TNR: variants seen among roughly 807,000 people sequenced by gnomAD.
TNR encodes tenascin R.
A neutral mutation model predicts 150.4 loss-of-function variants in TNR; 45 were observed. That is an observed-to-expected ratio of 0.30 (90% confidence interval 0.24 to 0.38). The LOEUF (loss-of-function observed/expected upper bound fraction) is 0.38, where lower values mean the gene tolerates loss of function less well. TNR is among the 10% of genes least tolerant of loss of function. The probability of loss-of-function intolerance (pLI) is 1.00; values close to 1 mark genes in which losing one functional copy is unlikely to be tolerated. For synonymous variants in TNR, 687 were observed against 678.4 expected, an observed-to-expected ratio of 1.01 and a Z score of -0.20; for missense variants, 1,544 against 1,759.1, an observed-to-expected ratio of 0.88 and a Z score of 2.19.
chr1:175,617,407 C>T (rs112334269), intron 1 of TNR, among the ~76,000 whole-genome samples: 106 of 152,306 alleles, frequency 7.0e-4, no homozygotes, highest in African/African-American at 2.5e-3. Flanking sequence ...ACTGTCTGCA[C>T]CAGGAGGTCT....
Position 175,662,330 on chromosome 1 carries a change from G to A in TNR, c.-165+80896C>T, listed in dbSNP as rs142834008. 3.8e-4 allele frequency among the ~76,000 whole-genome samples: 58 copies of A among 152,072 alleles called. No individual in the cohort carries two copies. In the East Asian group the frequency reaches 4.5e-3, roughly 12 times the overall value. ...TCCAGTTGTCATGTCTGATCCCACC[G>A]TGAGTCCTGCCTCTTCCACAAAGCC... On this transcript the variant is annotated intron_variant, in intron 1 of 22. Transcript: ENST00000367674.
rs1648942982 is a variant in TNR, at chr1:175,319,647, C to G, written c.*3710G>C. 1 of 151,862 alleles carries G rather than the reference C, an allele frequency of 6.6e-6. No homozygotes were observed. Among genetic ancestry groups the G allele is most frequent in the Non-Finnish European group, 1.5e-5 (1 of 67,680 alleles). The allele number at this position is 151,862 out of a possible 1,614,324, so 9.4% of individuals were successfully genotyped here. ...GGATTCAAATATTTGTAGATGTTTG[C>G]TTTGCATTTCCTTGCTGCCATATGT... On this transcript the variant is annotated 3_prime_UTR_variant, in exon 23 of 23. Coordinates refer to ENST00000367674, the MANE Select transcript of TNR (RefSeq NM_003285.3).
chr1:175,663,518 G>T lies in TNR; in HGVS notation c.-165+79708C>A, dbSNP rs147600858. ...AGCAGCACGCACAGAAAACACACAA[G>T]GATTTTTGTTGACTCTAAGTTCACC... On this transcript the variant is annotated intron_variant, in intron 1 of 22. Transcript: ENST00000367674. Among the ~76,000 whole-genome samples the T allele has an allele frequency of 5.3e-3, 810 of 152,230 alleles. 7 individuals carry two copies. Among genetic ancestry groups the T allele is most frequent in the African/African-American group, 0.017 (714 of 41,524 alleles).
intron 1 of TNR, among the ~76,000 whole-genome samples, chr1:175,575,685 G>A (rs1368004897): frequency 6.6e-6 from 1 of 152,214 alleles, no homozygotes; most frequent in Non-Finnish European, 1.5e-5. Flanking sequence ...TTGAAGGCTA[G>A]ATTGAATGTA....
intron 2 of TNR, among the ~76,000 whole-genome samples, chr1:175,481,551 T>G (rs536093582): frequency 6.6e-6 from 1 of 152,178 alleles, no homozygotes; most frequent in African/African-American, 2.4e-5. Context: ...CCAATGCAGC[T>G]GAGGTGTCCA....
intron 2 of TNR, among the ~76,000 whole-genome samples, chr1:175,501,431 C>G (rs892502273): frequency 6.6e-6 from 1 of 152,184 alleles, no homozygotes; most frequent in Non-Finnish European, 1.5e-5. Context: ...CCCCAACCAC[C>G]TGAATGAGCT....
chr1:175,570,326 G>A (rs1384899528), intron 1 of TNR, among the ~76,000 whole-genome samples: 1 of 152,174 alleles, frequency 6.6e-6, no homozygotes, highest in Non-Finnish European at 1.5e-5. Context: ...TGATTAAAAT[G>A]GTAATTGAGG....
At chr1:175,701,494 G>A (rs1323124) in intron 1 of TNR, among the ~76,000 whole-genome samples, 30,044 of 152,214 alleles carry the variant, frequency 0.2, 4,703 homozygotes, top group African/African-American at 0.43. Flanking sequence ...GCTGACTGGC[G>A]TGGTCCACAC....
At chr1:175,567,956 A>G (rs1055300052) in intron 1 of TNR, among the ~76,000 whole-genome samples, 3 of 152,206 alleles carry the variant, frequency 2.0e-5, no homozygotes, top group African/African-American at 7.2e-5. Flanking sequence ...CTTTATTTCA[A>G]TTTTCCTGTC....
intron 2 of TNR, among the ~76,000 whole-genome samples, chr1:175,441,882 G>A (rs1025490509): frequency 6.6e-6 from 1 of 152,204 alleles, no homozygotes; most frequent in Non-Finnish European, 1.5e-5. Context: ...AACCAAGGTG[G>A]TGGGGGTTAG....
At chr1:175,701,084 C>T (rs990502519) in intron 1 of TNR, among the ~76,000 whole-genome samples, 13 of 152,236 alleles carry the variant, frequency 8.5e-5, no homozygotes, top group Non-Finnish European at 1.6e-4. Context: ...TGTGCTACCT[C>T]TCAAATTCTC....
intron 21 of TNR, among the ~76,000 whole-genome samples, chr1:175,326,414 C>G (rs575143425): frequency 6.6e-6 from 1 of 152,278 alleles, no homozygotes; most frequent in South Asian, 2.1e-4. Context: ...CCTCTGATGC[C>G]TCCCACCACA....
At chr1:175,625,378 G>T (rs952451480) in intron 1 of TNR, among the ~76,000 whole-genome samples, 2 of 152,238 alleles carry the variant, frequency 1.3e-5, no homozygotes, top group Non-Finnish European at 2.9e-5. Flanking sequence ...GCTGGTAAAG[G>T]GGGACACAGG....
At chr1:175,522,456 A>G (rs888127630) in intron 2 of TNR, among the ~76,000 whole-genome samples, 2 of 152,230 alleles carry the variant, frequency 1.3e-5, no homozygotes, top group Non-Finnish European at 2.9e-5. Context: ...GGTGCGGCAT[A>G]TACTGCTCAG....
intron 1 of TNR, among the ~76,000 whole-genome samples, chr1:175,578,991 G>A (rs1293641299): frequency 6.6e-6 from 1 of 152,164 alleles, no homozygotes; most frequent in Non-Finnish European, 1.5e-5. Context: ...CTTGGCCACA[G>A]TGCTACCACC....
chr1:175,519,000 G>A (rs1280218114), intron 2 of TNR, among the ~76,000 whole-genome samples: 1 of 152,278 alleles, frequency 6.6e-6, no homozygotes, highest in East Asian at 1.9e-4. Context: ...ATTAATGTTA[G>A]AATTCCCTTC....
At chr1:175,394,627 A>G (rs2102037645) in intron 5 of TNR, among the ~76,000 whole-genome samples, 1 of 152,308 alleles carries the variant, frequency 6.6e-6, no homozygotes, top group South Asian at 2.1e-4. Context: ...ATATGACAGC[A>G]TGACTTTTCT....
intron 2 of TNR, among the ~76,000 whole-genome samples, chr1:175,452,421 G>A (rs181037154): frequency 6.6e-6 from 1 of 152,390 alleles, no homozygotes; most frequent in East Asian, 1.9e-4. Context: ...GGCACAGGGG[G>A]CTGCTGCAAC....
chr1:175,452,955 C>T (rs1656391395), intron 2 of TNR, among the ~76,000 whole-genome samples: 2 of 151,934 alleles, frequency 1.3e-5, no homozygotes. Context: ...GCCCTTCAGA[C>T]AGGGGGCAGC....
Sources: gnomAD v4.1 joint callset for allele counts (sites outside exome capture counted in the v4.1 genomes callset) on GRCh38, gnomAD v4.1.1 for gene constraint, MANE v1.5 for transcripts, NCBI Gene and HGNC (gene_info 2026-07-23, HGNC 2026-07-21) for gene names.